Variants in ASTN2 observed in about 807,000 individuals in gnomAD.
ASTN2 encodes astrotactin 2.
A neutral mutation model predicts 139.8 loss-of-function variants in ASTN2; 54 were observed. The ratio of observed to expected loss-of-function variants is 0.39; its 90% CI spans 0.31 to 0.48. The LOEUF (loss-of-function observed/expected upper bound fraction) is 0.48. Among genes scored for constraint, ASTN2 ranks in the 20% least tolerant of loss-of-function variants. The pLI is 0.95. For synonymous variants in ASTN2, 756 were observed against 719.5 expected (o/e 1.05, Z -0.81); for missense variants, 1,565 against 1,725.1 (o/e 0.91, Z 1.64).
At chr9:116,710,673 C>T (rs774344009) in intron 16 of ASTN2, among the ~76,000 whole-genome samples, 1 of 125,744 alleles carries the variant, frequency 8.0e-6, no homozygotes, top group Non-Finnish European at 1.6e-5. Flanking sequence ...GTGGAGGTTG[C>T]GGTGAGCTGA....
At chr9:116,740,665 A>C (rs1251812046) in intron 13 of ASTN2, among the ~76,000 whole-genome samples, 1 of 151,378 alleles carries the variant, frequency 6.6e-6, no homozygotes, top group Non-Finnish European at 1.5e-5. Flanking sequence ...GGCGCCCACC[A>C]CCACGCTCTG....
At chr9:117,273,892 T>A (rs1370336547) in intron 2 of ASTN2, among the ~76,000 whole-genome samples, 2 of 152,216 alleles carry the variant, frequency 1.3e-5, no homozygotes. Context: ...ACACAGATGT[T>A]GTTGCTATGT....
At chr9:116,915,290 A>C (rs1051079142) in intron 10 of ASTN2, among the ~76,000 whole-genome samples, 2 of 152,218 alleles carry the variant, frequency 1.3e-5, no homozygotes, top group African/African-American at 4.8e-5. Flanking sequence ...AGGCTTTTGC[A>C]GACTAGCACA....
At chr9:116,705,232 T>A (rs988599392) in intron 16 of ASTN2, among the ~76,000 whole-genome samples, 27 of 152,156 alleles carry the variant, frequency 1.8e-4, no homozygotes, top group Non-Finnish European at 3.5e-4. Context: ...ATTGCAGTAT[T>A]GTGAAGAGAT....
At chr9:117,096,501 C>T (rs1828844660) in intron 4 of ASTN2, among the ~76,000 whole-genome samples, 1 of 152,210 alleles carries the variant, frequency 6.6e-6, no homozygotes, top group African/African-American at 2.4e-5. Context: ...CGCAGTACAT[C>T]CTAAACAACT....
At chr9:117,024,227 C>G (rs1406689954) in intron 6 of ASTN2, among the ~76,000 whole-genome samples, 8 of 152,160 alleles carry the variant, frequency 5.3e-5, no homozygotes, top group Admixed American at 5.2e-4. Context: ...TTCTACCCAA[C>G]TCCTCATGTA....
At chr9:117,039,691 C>A (rs1838494569) in intron 6 of ASTN2, 128 bp downstream of exon 6, 1 of 978,946 alleles carries the variant, frequency 1.0e-6, no homozygotes, top group East Asian at 3.0e-5. Context: ...TCTTTAGATG[C>A]TCCTTTTTTT....
chr9:116,452,279 T>C (rs1848198490), intron 20 of ASTN2, among the ~76,000 whole-genome samples: 1 of 152,220 alleles, frequency 6.6e-6, no homozygotes, highest in Non-Finnish European at 1.5e-5. Flanking sequence ...ACAATAATTT[T>C]TAAAGTGACT....
intron 3 of ASTN2, among the ~76,000 whole-genome samples, chr9:117,190,251 T>C (rs561856187): frequency 1.3e-5 from 2 of 152,162 alleles, no homozygotes; most frequent in Non-Finnish European, 2.9e-5. Context: ...CTATGTGAAA[T>C]TTTCCAATTT....
chr9:116,573,843 T>C (rs1024848278), intron 19 of ASTN2, among the ~76,000 whole-genome samples: 5 of 152,216 alleles, frequency 3.3e-5, no homozygotes, highest in Admixed American at 2.0e-4. Flanking sequence ...AACTTCCACT[T>C]TGCCAACTCC....
At chr9:117,345,519 CG>C (rs1277530824) in intron 1 of ASTN2, among the ~76,000 whole-genome samples, 21 of 152,290 alleles carry the variant, frequency 1.4e-4, no homozygotes, top group Middle Eastern at 6.8e-3. Flanking sequence ...AAAGAGATGA[CG>C]ATCTTGCCCA....
chr9:117,008,066 T>A (rs749458123), intron 7 of ASTN2, 26 bp downstream of exon 7: 2 of 1,554,664 alleles, frequency 1.3e-6, no homozygotes, highest in East Asian at 2.4e-5. Context: ...CCACCTTCTA[T>A]CCCCATCCCG....
intron 19 of ASTN2, among the ~76,000 whole-genome samples, chr9:116,579,635 G>A (rs10114861): frequency 0.047 from 7,194 of 152,206 alleles, 559 homozygotes; most frequent in African/African-American, 0.16. Flanking sequence ...AGACCCAGCG[G>A]CTTGAGAGGC....
chr9:117,322,300 T>C (rs1279299178), intron 1 of ASTN2, among the ~76,000 whole-genome samples: 1 of 152,208 alleles, frequency 6.6e-6, no homozygotes, highest in African/African-American at 2.4e-5. Context: ...TTTCAAATTC[T>C]AGTTCTTAAC....
intron 19 of ASTN2, among the ~76,000 whole-genome samples, chr9:116,522,800 C>T (rs912035038): frequency 5.9e-5 from 9 of 151,998 alleles, no homozygotes. Flanking sequence ...ATGACTTGTC[C>T]CTGTCATATA....
chr9:116,592,222 G>A (rs1854405720), intron 19 of ASTN2, among the ~76,000 whole-genome samples: 1 of 152,124 alleles, frequency 6.6e-6, no homozygotes. Context: ...AACTGAGAAT[G>A]GACAATTTAT....
intron 10 of ASTN2, among the ~76,000 whole-genome samples, chr9:116,914,581 A>T (rs1326802): frequency 0.74 from 109,054 of 147,152 alleles, 41,684 homozygotes; most frequent in Non-Finnish European, 0.85. Flanking sequence ...ATTTATATAT[A>T]TTTTTTTTTA....
chr9:116,912,839 T>C (rs1258966811), intron 10 of ASTN2, among the ~76,000 whole-genome samples: 1 of 152,098 alleles, frequency 6.6e-6, no homozygotes, highest in African/African-American at 2.4e-5. Flanking sequence ...CTTCATACTG[T>C]ATTAGGTTTG....
At chr9:116,632,179 AGAGAGGG>A (rs1564168779) in intron 17 of ASTN2, among the ~76,000 whole-genome samples, 5 of 19,808 alleles carry the variant, frequency 2.5e-4, no homozygotes, top group African/African-American at 7.8e-4. Flanking sequence ...AGAGAGAGAG[AGAGAGGG>A]AGAGAGAGAG....
Sources: allele counts gnomAD v4.1 joint callset (sites outside exome capture counted in the v4.1 genomes callset), GRCh38; gene constraint gnomAD v4.1.1; transcripts MANE v1.5; gene names NCBI Gene and HGNC (gene_info 2026-07-23, HGNC 2026-07-21).